Variants in MUC22 observed in about 807,000 individuals in gnomAD.
The protein encoded by MUC22 is mucin-22.
In MUC22, 24 loss-of-function variants were observed where a neutral mutation model predicts 40.3. That is an observed-to-expected ratio of 0.60 (90% CI 0.43 to 0.84). MUC22 has a LOEUF of 0.84. Ranked by LOEUF, MUC22 falls within the 40% of genes least tolerant of loss-of-function variation. The pLI is 0.00. For synonymous variants in MUC22, 765 were observed against 844.5 expected (o/e 0.91, Z 1.63); for missense variants, 1,926 against 2,130.7 (o/e 0.90, Z 1.89).
rs182778287 is a variant in MUC22, at chr6:31,028,122, A to G, written c.2691A>G (p.Thr897=). The change falls in exon 2 of 4, where the codon ACA becomes ACG. Residue 897 remains threonine (T), a synonymous_variant. Transcript: ENST00000561890. ...CTACTGAAGGCTCTGAGACCACTAC[A>G]GTCTCCACCACAGACTCTGAGACCA... The G allele has an allele frequency of 3.9e-6, 6 of 1,533,350 alleles. No individual in the cohort carries two copies. The East Asian group carries it at 1.2e-4, about 32-fold the overall frequency. 95.0% of individuals were successfully genotyped at this position (1,533,350 alleles called of 1,614,324 possible). A position where few individuals can be genotyped will look rare whatever the true frequency, so the allele number is the denominator to read the frequency against.
At chr6:31,024,948 G>A (rs1384339178) in intron 1 of MUC22, among the ~76,000 whole-genome samples, 1 of 149,942 alleles carries the variant, frequency 6.7e-6, no homozygotes, top group East Asian at 2.0e-4. Flanking sequence ...TTGGCTCACT[G>A]CAACCTCCGC....
At chr6:31,008,467 G>T (rs1464006118), upstream of MUC22, among the ~76,000 whole-genome samples, 1 of 152,110 alleles carries the variant, frequency 6.6e-6, no homozygotes, top group South Asian at 2.1e-4. Context: ...GAAATGGGGG[G>T]AAAACAGTCC....
chr6:31,015,043 C>T (rs1478251641), intron 1 of MUC22, among the ~76,000 whole-genome samples: 1 of 152,038 alleles, frequency 6.6e-6, no homozygotes, highest in East Asian at 1.9e-4. Context: ...GCAGGGTGAA[C>T]AGTTTAGGAT....
intron 1 of MUC22, among the ~76,000 whole-genome samples, chr6:31,013,645 G>C (rs567477837): frequency 3.3e-4 from 50 of 152,214 alleles, no homozygotes; most frequent in Middle Eastern, 6.8e-3. Context: ...GGTTCCTGTT[G>C]GCATTTACGT....
At chr6:31,009,814 G>A (rs778841995), upstream of MUC22, among the ~76,000 whole-genome samples, 6 of 152,156 alleles carry the variant, frequency 3.9e-5, no homozygotes, top group Non-Finnish European at 8.8e-5. Context: ...GTGAGTCAGG[G>A]TCCCTGACCT....
chr6:31,015,096 T>C (rs1764101629), intron 1 of MUC22, among the ~76,000 whole-genome samples: 1 of 152,204 alleles, frequency 6.6e-6, no homozygotes, highest in Non-Finnish European at 1.5e-5. Flanking sequence ...GCTATATGGC[T>C]GATTACCACC....
intron 1 of MUC22, among the ~76,000 whole-genome samples, chr6:31,021,151 G>T (rs1764700274): frequency 2.0e-5 from 3 of 152,270 alleles, no homozygotes; most frequent in African/African-American, 4.8e-5. Flanking sequence ...GCGGCCCCGG[G>T]GCGGGATCCA....
At chr6:31,020,557 C>T (rs1301651389) in intron 1 of MUC22, among the ~76,000 whole-genome samples, 1 of 150,716 alleles carries the variant, frequency 6.6e-6, no homozygotes, top group African/African-American at 2.4e-5. Context: ...TGACAGCGTG[C>T]TGGCAGTCCT....
chr6:31,019,348 C>G (rs1346628417), intron 1 of MUC22, among the ~76,000 whole-genome samples: 6 of 152,228 alleles, frequency 3.9e-5, no homozygotes, highest in Admixed American at 3.3e-4. Context: ...CATCCTAGTT[C>G]AAGCAATAAT....
chr6:31,010,765 T>C (rs1464100148), exon 1 of MUC22: 1 of 702,600 alleles, frequency 1.4e-6, no homozygotes, highest in Non-Finnish European at 2.6e-6. Flanking sequence ...CTCTTTGGAC[T>C]TCTGGGACCC....
At chr6:31,006,264 T>G (rs551956680), upstream of MUC22, 62 of 233,342 alleles carry the variant, frequency 2.7e-4, no homozygotes, top group African/African-American at 1.4e-3. Context: ...CACAGGAAAT[T>G]TTTTAGACGT....
intron 1 of MUC22, among the ~76,000 whole-genome samples, chr6:31,018,035 G>A (rs547578786): frequency 4.6e-5 from 7 of 152,308 alleles, no homozygotes; most frequent in Admixed American, 1.3e-4. Flanking sequence ...CTGAACATCA[G>A]AAGGAACAAA....
At chr6:31,028,392 C>T (rs1007545866) in exon 2 of MUC22, 1 of 1,508,370 alleles carries the variant, frequency 6.6e-7, no homozygotes, top group South Asian at 1.3e-5. Context: ...CCACCACAGC[C>T]TCTACTGAAG....
chr6:31,016,797 A>AGGCACGGGCGGG (rs1764239547), intron 1 of MUC22, among the ~76,000 whole-genome samples: 1 of 152,156 alleles, frequency 6.6e-6, no homozygotes, highest in South Asian at 2.1e-4. Context: ...GTGGAGGGAG[A>AGGCACGGGCGGG]GGCACGGGCG....
intron 1 of MUC22, among the ~76,000 whole-genome samples, chr6:31,018,071 T>G (rs1764375802): frequency 6.6e-6 from 1 of 152,206 alleles, no homozygotes; most frequent in African/African-American, 2.4e-5. Flanking sequence ...TTGTAAGAAC[T>G]GTGACACTCA....
At chr6:31,019,766 A>C (rs1764534935) in intron 1 of MUC22, among the ~76,000 whole-genome samples, 1 of 152,218 alleles carries the variant, frequency 6.6e-6, no homozygotes, top group African/African-American at 2.4e-5. Flanking sequence ...AGGCAGGAGA[A>C]TCCCTTGAAC....
exon 2 of MUC22, chr6:31,026,077 A>G: frequency 6.5e-7 from 1 of 1,530,818 alleles, no homozygotes; most frequent in Non-Finnish European, 8.7e-7. Context: ...CTCTGAAACC[A>G]CCACAGCATC....
chr6:31,034,803 T>G, exon 4 of MUC22: 1 of 1,535,628 alleles, frequency 6.5e-7, no homozygotes, highest in Non-Finnish European at 8.7e-7. Context: ...CACTGGTTCA[T>G]GGAGGAGAAC....
rs1411537021 is a variant in MUC22, at chr6:31,032,288, G to A, written c.4762G>A (p.Val1588Met). Residue 1588 changes from valine to methionine, a missense_variant, in exon 3 of 4, where the codon GTG becomes ATG. Physicochemically the swap from Val to Met is conservative, Grantham distance 21. Coordinates refer to ENST00000561890, the Ensembl canonical transcript of MUC22. This position sits in a 1 kb window ranked among gnomAD's most constrained non-coding sequence, Gnocchi z 4.1. ...CACGGCCTCTGCTGCCAGCCATACTGTGCCAGGAATAGTCTTAAACACCTC... is the reference window on the plus strand; with the variant it reads ...CACGGCCTCTGCTGCCAGCCATACTATGCCAGGAATAGTCTTAAACACCTC... 1.3e-6 allele frequency: 2 copies of A among 1,535,610 alleles called. No homozygotes were observed. Among genetic ancestry groups the A allele is most frequent in the South Asian group, 1.2e-5 (1 of 84,054 alleles).
Sources: allele counts gnomAD v4.1 joint callset (sites outside exome capture counted in the v4.1 genomes callset), GRCh38; gene constraint gnomAD v4.1.1; non-coding constraint Gnocchi (gnomAD v3.1); transcripts MANE v1.5; gene names NCBI Gene and HGNC (gene_info 2026-07-23, HGNC 2026-07-21).